ZNF469: variants seen among roughly 807,000 people sequenced by gnomAD.
ZNF469 encodes the protein zinc finger protein 469.
ZNF469 carries 1 observed loss-of-function variant against 1.0 expected under a neutral mutation model. That is an observed-to-expected ratio of 1.00 (90% CI 0.35 to 4.73). ZNF469 has a LOEUF of 4.73. ZNF469 is among the 30% of genes most tolerant of loss of function. The probability of loss-of-function intolerance (pLI) is 0.16; values close to 1 mark genes in which losing one functional copy is unlikely to be tolerated. For synonymous variants in ZNF469, 2,703 were observed against 2,363.4 expected, an observed-to-expected ratio of 1.14 and a Z score of -4.17; for missense variants, 6,100 against 5,356.3, an observed-to-expected ratio of 1.14 and a Z score of -4.33.
At chr16:88,335,620 C>T in the ZNF469 span, among the ~76,000 whole-genome samples, 5 of 152,360 alleles carry the variant, frequency 3.3e-5, 1 homozygote, top group South Asian at 8.3e-4. Flanking sequence ...ATTGCCAAGT[C>T]CAGGCAGATG....
chr16:88,266,008 C>A, the ZNF469 span, among the ~76,000 whole-genome samples: 11 of 152,270 alleles, frequency 7.2e-5, no homozygotes, highest in African/African-American at 2.7e-4. Context: ...GCTCCCCACC[C>A]CCAACAAGCT....
At chr16:88,365,298 G>A in the ZNF469 span, among the ~76,000 whole-genome samples, 8 of 152,168 alleles carry the variant, frequency 5.3e-5, no homozygotes, top group East Asian at 1.5e-3. Flanking sequence ...CTTGTCTTCT[G>A]GGGATTGGCC....
chr16:88,152,390 A>G, the ZNF469 span, among the ~76,000 whole-genome samples: 13 of 151,958 alleles, frequency 8.6e-5, no homozygotes, highest in African/African-American at 3.1e-4. This position sits in a 1 kb window ranked among gnomAD's most constrained non-coding sequence, Gnocchi z 4.2. Context: ...GGGCTGGGGG[A>G]GCGCAGCTGC....
At chr16:88,419,223 G>A (rs1031594545) in intron 1 of ZNF469, among the ~76,000 whole-genome samples, 62 of 152,374 alleles carry the variant, frequency 4.1e-4, no homozygotes, top group African/African-American at 1.3e-3. Context: ...GCCAAGCCAC[G>A]GAAGGGGGGT....
At chr16:88,294,202 T>G in the ZNF469 span, among the ~76,000 whole-genome samples, 3,885 of 152,324 alleles carry the variant, frequency 0.026, 187 homozygotes, top group East Asian at 0.16. Context: ...CAGCTGAAAC[T>G]GTCTTTAGAC....
the ZNF469 span, among the ~76,000 whole-genome samples, chr16:88,227,616 C>T: frequency 6.7e-6 from 1 of 150,252 alleles, no homozygotes; most frequent in Non-Finnish European, 1.5e-5. Flanking sequence ...ACTGCCCCAT[C>T]TCCCTGTGTC....
the ZNF469 span, among the ~76,000 whole-genome samples, chr16:88,179,984 G>T: frequency 2.0e-5 from 3 of 152,194 alleles, no homozygotes; most frequent in Non-Finnish European, 2.9e-5. Context: ...AAGCCCTACT[G>T]CAACCATGAA....
At chr16:88,331,479 CCAT>C in the ZNF469 span, among the ~76,000 whole-genome samples, 6 of 150,158 alleles carry the variant, frequency 4.0e-5, no homozygotes, top group East Asian at 6.1e-4. Context: ...ACCATCATCA[CCAT>C]CATCATCACT....
chr16:88,171,391 G>A, the ZNF469 span, among the ~76,000 whole-genome samples: 1 of 152,208 alleles, frequency 6.6e-6, no homozygotes, highest in African/African-American at 2.4e-5. Flanking sequence ...ATTGCACCCA[G>A]AAGCTCAGTG....
At chr16:88,194,896 G>A in the ZNF469 span, 3 of 152,360 alleles carry the variant, frequency 2.0e-5, no homozygotes, top group African/African-American at 7.2e-5. Flanking sequence ...GGGAATCGGT[G>A]GGGCTGGTCC....
chr16:88,435,390 G>C lies in ZNF469; in HGVS notation c.7920G>C (p.Gly2640=). The C allele has an allele frequency of 6.4e-7, 1 of 1,550,406 alleles. No individual in the cohort carries two copies. Among genetic ancestry groups the C allele is most frequent in the Non-Finnish European group, 8.7e-7 (1 of 1,146,986 alleles). ...KSNKKRGKLR[G]RRLREESILP... is the part of the protein sequence containing the mutation. ...ATAAGAAAAGGGGAAAGCTGAGAGG[G>C]AGAAGGCTCCGGGAGGAGAGCATTC... The change falls in exon 3 of 3, where the codon GGG becomes GGC. Residue 2640 remains glycine, a synonymous_variant. Transcript: ENST00000565624.
chr16:88,161,941 C>T, the ZNF469 span, among the ~76,000 whole-genome samples: 48 of 152,112 alleles, frequency 3.2e-4, no homozygotes, highest in Non-Finnish European at 1.5e-4. Context: ...AATGGAATGC[C>T]GTTGAGACAG....
the ZNF469 span, among the ~76,000 whole-genome samples, chr16:88,255,464 G>C: frequency 6.6e-6 from 1 of 152,162 alleles, no homozygotes; most frequent in African/African-American, 2.4e-5. Context: ...TCTGTTTTAA[G>C]TTCACAGCAA....
chr16:88,159,227 T>TGCTAG, the ZNF469 span, among the ~76,000 whole-genome samples: 136,974 of 145,320 alleles, frequency 0.94, 64,315 homozygotes, highest in East Asian at 0.97. Context: ...CTCACCGTCC[T>TGCTAG]GCAGCGTCTG....
the ZNF469 span, among the ~76,000 whole-genome samples, chr16:88,352,248 G>A: frequency 6.6e-6 from 1 of 152,216 alleles, no homozygotes; most frequent in Non-Finnish European, 1.5e-5. Flanking sequence ...AACTGCCACC[G>A]AACTGTGCCC....
chr16:88,261,321 C>G, the ZNF469 span, among the ~76,000 whole-genome samples: 1 of 152,236 alleles, frequency 6.6e-6, no homozygotes, highest in African/African-American at 2.4e-5. This position sits in a 1 kb window ranked among gnomAD's most constrained non-coding sequence, Gnocchi z 6.0. Flanking sequence ...CCACCTGCCC[C>G]TCCCTGTGGC....
Position 88,437,126 on chromosome 16 carries a change from A to G in ZNF469, c.9656A>G (p.Glu3219Gly). 1 of 1,548,390 alleles carries G rather than the reference A, an allele frequency of 6.5e-7. No individual in the cohort carries two copies. The highest frequency in any genetic ancestry group is 2.4e-5 in the East Asian group (1 of 40,884). The change falls in exon 3 of 3, where the codon GAG becomes GGG. Residue 3219 changes from glutamate (E) to glycine (G), a missense_variant. Glu to Gly is a moderately conservative substitution (Grantham distance 98). Transcript: ENST00000565624. The stretch of plus-strand genomic sequence containing the variant: ...TTGGGGGACCTGCCCGGAGGCCTGG[A>G]GGGCAGCAGCGCTGTCGCCCACCTT... ...RSLGDLPGGL[E>G]GSSAVAHLLN...
chr16:88,410,779 G>T (rs1183188899), intron 1 of ZNF469, among the ~76,000 whole-genome samples: 1 of 152,238 alleles, frequency 6.6e-6, no homozygotes, highest in African/African-American at 2.4e-5. Context: ...TGTTGATGGT[G>T]CAGGTCACGT....
the ZNF469 span, among the ~76,000 whole-genome samples, chr16:88,113,870 G>A: frequency 6.6e-6 from 1 of 152,220 alleles, no homozygotes; most frequent in Non-Finnish European, 1.5e-5. Context: ...CTAGTGCGTG[G>A]AGAAGCTCCC....
Sources: gnomAD v4.1 joint callset for allele counts (sites outside exome capture counted in the v4.1 genomes callset) on GRCh38, gnomAD v4.1.1 for gene constraint, Gnocchi (gnomAD v3.1) non-coding constraint, MANE v1.5 for transcripts, NCBI Gene and HGNC (gene_info 2026-07-23, HGNC 2026-07-21) for gene names.